GPC6: variants seen among roughly 807,000 people sequenced by gnomAD.
GPC6 encodes the protein glypican 6, also known as glypican-6.
GPC6 carries 14 observed loss-of-function variants against 55.2 expected under a neutral mutation model. The observed-to-expected ratio is 0.25, with a 90% CI of 0.17 to 0.40. The LOEUF (loss-of-function observed/expected upper bound fraction) is 0.40. Among genes scored for constraint, GPC6 ranks in the 10% least tolerant of loss-of-function variants. The pLI, the probability that GPC6 is intolerant of heterozygous loss-of-function variation, is 1.00. For missense variants in GPC6, 641 were observed against 708.5 expected (o/e 0.90, Z 1.08); for synonymous variants, 278 against 259.6 (o/e 1.07, Z -0.68).
intron 4 of GPC6, among the ~76,000 whole-genome samples, chr13:94,212,923 C>T (rs905330216): frequency 1.3e-5 from 2 of 152,128 alleles, no homozygotes; most frequent in Non-Finnish European, 2.9e-5. Context: ...TTTGGGAGGC[C>T]AAGGTGGGCA....
chr13:93,697,092 G>C (rs555652835), intron 2 of GPC6, among the ~76,000 whole-genome samples: 1 of 151,860 alleles, frequency 6.6e-6, no homozygotes, highest in Non-Finnish European at 1.5e-5. Context: ...AATCATCCCC[G>C]CATCATGTTC....
chr13:93,976,894 G>A (rs765770978), intron 3 of GPC6, among the ~76,000 whole-genome samples: 2 of 151,994 alleles, frequency 1.3e-5, no homozygotes, highest in Non-Finnish European at 2.9e-5. Context: ...TGATTGGAAC[G>A]TTTATTCCCT....
At chr13:94,276,591 C>A (rs749877344) in intron 4 of GPC6, among the ~76,000 whole-genome samples, 34 of 152,060 alleles carry the variant, frequency 2.2e-4, no homozygotes, top group Non-Finnish European at 4.7e-4. Flanking sequence ...AAGTTCCCAC[C>A]CCTTGCCTCC....
intron 7 of GPC6, among the ~76,000 whole-genome samples, chr13:94,396,547 T>G (rs1351271390): frequency 6.6e-6 from 1 of 152,228 alleles, no homozygotes; most frequent in Non-Finnish European, 1.5e-5. Flanking sequence ...CAACCAAACC[T>G]GGCCCCCTTA....
intron 3 of GPC6, among the ~76,000 whole-genome samples, chr13:93,834,673 T>C (rs1887664445): frequency 6.6e-6 from 1 of 152,002 alleles, no homozygotes; most frequent in African/African-American, 2.4e-5. Context: ...TGTAGAAAGA[T>C]TTTACCATTT....
intron 2 of GPC6, among the ~76,000 whole-genome samples, chr13:93,628,712 G>A (rs1879309627): frequency 6.6e-6 from 1 of 152,166 alleles, no homozygotes; most frequent in Non-Finnish European, 1.5e-5. Context: ...CCAGGACCAT[G>A]ATGAAGAAGT....
At chr13:93,853,028 A>G (rs1000470914) in intron 3 of GPC6, among the ~76,000 whole-genome samples, 1 of 151,782 alleles carries the variant, frequency 6.6e-6, no homozygotes, top group East Asian at 1.9e-4. Context: ...ATAATTACAA[A>G]TATTTCTGGG....
chr13:94,308,214 A>T (rs1294891545), intron 6 of GPC6, among the ~76,000 whole-genome samples: 1 of 152,208 alleles, frequency 6.6e-6, no homozygotes, highest in Non-Finnish European at 1.5e-5. Context: ...CACACCCTTA[A>T]ACAGGGGAAG....
At chr13:94,004,355 A>G (rs1181853250) in intron 3 of GPC6, among the ~76,000 whole-genome samples, 1 of 151,828 alleles carries the variant, frequency 6.6e-6, no homozygotes, top group African/African-American at 2.4e-5. Context: ...AACTTACTGG[A>G]TGATACTTAA....
intron 1 of GPC6, among the ~76,000 whole-genome samples, chr13:93,322,289 T>C (rs1879472610): frequency 6.6e-6 from 1 of 152,130 alleles, no homozygotes; most frequent in Admixed American, 6.6e-5. Flanking sequence ...CCTGATCCTC[T>C]CTCTCTTTGT....
chr13:94,299,742 A>C (rs1875540936), intron 5 of GPC6, among the ~76,000 whole-genome samples: 1 of 152,170 alleles, frequency 6.6e-6, no homozygotes, highest in Non-Finnish European at 1.5e-5. Context: ...TAAATTACCT[A>C]GTGTAAGGCA....
chr13:94,294,357 C>T (rs568405276), intron 5 of GPC6, among the ~76,000 whole-genome samples: 8 of 150,686 alleles, frequency 5.3e-5, no homozygotes, highest in Non-Finnish European at 1.2e-4. Flanking sequence ...GGGTAGAACC[C>T]ATTAAAGATG....
At chr13:93,852,232 T>C (rs2139013822) in intron 3 of GPC6, among the ~76,000 whole-genome samples, 1 of 151,848 alleles carries the variant, frequency 6.6e-6, no homozygotes, top group South Asian at 2.1e-4. Context: ...CACATGGAAG[T>C]CATCTCAGTT....
At chr13:93,472,786 G>C (rs749322924) in intron 1 of GPC6, among the ~76,000 whole-genome samples, 1 of 152,190 alleles carries the variant, frequency 6.6e-6, no homozygotes, top group South Asian at 2.1e-4. Context: ...CAGTAGGTCC[G>C]AGTTCTTCTC....
At chr13:93,523,198 ATAT>A (rs1030759148) in intron 1 of GPC6, among the ~76,000 whole-genome samples, 59 of 135,206 alleles carry the variant, frequency 4.4e-4, no homozygotes, top group Admixed American at 1.7e-3. Context: ...TATATGGATA[ATAT>A]TGTGTATATG....
At chr13:94,222,668 T>C (rs1039647004) in intron 4 of GPC6, among the ~76,000 whole-genome samples, 24 of 152,124 alleles carry the variant, frequency 1.6e-4, no homozygotes, top group African/African-American at 5.8e-4. Flanking sequence ...ATCTCCTTAT[T>C]CAATAGATAT....
At chr13:93,581,633 G>C (rs1341535605) in intron 2 of GPC6, among the ~76,000 whole-genome samples, 3 of 152,126 alleles carry the variant, frequency 2.0e-5, no homozygotes, top group African/African-American at 7.2e-5. Context: ...CTTGAGCTAG[G>C]GAGGAGATCG....
At chr13:94,170,332 C>T (rs1250927853) in intron 4 of GPC6, among the ~76,000 whole-genome samples, 2 of 152,186 alleles carry the variant, frequency 1.3e-5, no homozygotes, top group Admixed American at 6.5e-5. Context: ...GAAATGGCCC[C>T]GTGCTAACTT....
chr13:93,307,134 T>G (rs1295348120), intron 1 of GPC6, among the ~76,000 whole-genome samples: 3 of 152,182 alleles, frequency 2.0e-5, no homozygotes, highest in Non-Finnish European at 4.4e-5. Context: ...TTATATTTAA[T>G]CGACTATTCA....
Sources: allele counts gnomAD v4.1 joint callset (sites outside exome capture counted in the v4.1 genomes callset), GRCh38; gene constraint gnomAD v4.1.1; transcripts MANE v1.5; gene names NCBI Gene and HGNC (gene_info 2026-07-23, HGNC 2026-07-21).